PSTPIP2: variants seen among roughly 807,000 people sequenced by gnomAD.
PSTPIP2 encodes proline-serine-threonine phosphatase interacting protein 2.
Under a neutral mutation model 63.3 loss-of-function variants are expected in PSTPIP2, and 33 were observed. The ratio of observed to expected loss-of-function variants is 0.52; its 90% confidence interval spans 0.40 to 0.70. The LOEUF is 0.70. Ranked by LOEUF, PSTPIP2 falls within the 30% of genes least tolerant of loss-of-function variation. The pLI, the probability that PSTPIP2 is intolerant of heterozygous loss-of-function variation, is 0.00. For missense variants in PSTPIP2, 312 were observed against 400.7 expected (o/e 0.78, Z 1.89); for synonymous variants, 125 against 132.7 (o/e 0.94, Z 0.40).
intron 2 of PSTPIP2, among the ~76,000 whole-genome samples, chr18:46,036,647 C>T (rs1408094815): frequency 1.3e-5 from 2 of 152,166 alleles, no homozygotes; most frequent in Non-Finnish European, 2.9e-5. Context: ...TTCTGTCCAA[C>T]CCCACATGAG....
intron 2 of PSTPIP2, among the ~76,000 whole-genome samples, chr18:46,033,701 A>G (rs950953028): frequency 2.7e-5 from 4 of 148,306 alleles, no homozygotes; most frequent in African/African-American, 1.0e-4. Flanking sequence ...CCATCTCGAA[A>G]AAAAAAAAAA....
At chr18:46,042,770 G>C (rs1228036254) in intron 1 of PSTPIP2, among the ~76,000 whole-genome samples, 1 of 152,108 alleles carries the variant, frequency 6.6e-6, no homozygotes, top group Non-Finnish European at 1.5e-5. Flanking sequence ...AGGATGTCTT[G>C]GTGCATCGTG....
intron 9 of PSTPIP2, among the ~76,000 whole-genome samples, chr18:45,994,166 T>C (rs529803977): frequency 1.3e-5 from 2 of 152,274 alleles, no homozygotes; most frequent in African/African-American, 4.8e-5. Context: ...GTATGTTTAA[T>C]TGTTTTTCCT....
At chr18:46,029,319 A>T in intron 2 of PSTPIP2, 5 of 1,548,216 alleles carry the variant, frequency 3.2e-6, no homozygotes, top group Non-Finnish European at 4.5e-6. Context: ...ATCGATGAAG[A>T]CCAAAGAACT....
intron 1 of PSTPIP2, among the ~76,000 whole-genome samples, chr18:46,051,218 G>A (rs746720065): frequency 7.2e-5 from 11 of 152,294 alleles, no homozygotes; most frequent in Non-Finnish European, 1.3e-4. Context: ...GCTCACACCT[G>A]TAATCCTAGC....
intron 1 of PSTPIP2, among the ~76,000 whole-genome samples, chr18:46,056,188 C>G (rs117910842): frequency 6.6e-6 from 1 of 152,296 alleles, no homozygotes; most frequent in Non-Finnish European, 1.5e-5. Context: ...CAATGTAGAT[C>G]CCTTAGCTGG....
rs869172530 is a variant in PSTPIP2, at chr18:46,024,733, CTT to C, written c.135-49_135-48del. 7.4e-6 allele frequency: 11 copies of C among 1,494,936 alleles called. No individual in the cohort carries two copies. In the East Asian group the frequency reaches 2.0e-4, roughly 28 times the overall value. 92.6% of individuals were successfully genotyped at this position (1,494,936 alleles called of 1,614,324 possible). A position where few individuals can be genotyped will look rare whatever the true frequency, so the allele number is the denominator to read the frequency against. On this transcript the variant is annotated intron_variant, in intron 2 of 14. Transcript: ENST00000409746. The stretch of plus-strand genomic sequence containing the variant: ...TTATGGGTCCTTCTCAGAGCTGACT[CTT>C]TGTTAAGACACAATGACCCTCCCTT...
chr18:46,036,102 T>A (rs1907966744), intron 2 of PSTPIP2, among the ~76,000 whole-genome samples: 1 of 146,316 alleles, frequency 6.8e-6, no homozygotes, highest in African/African-American at 2.5e-5. Flanking sequence ...TTATCTGTAT[T>A]AATTAATTTA....
At chr18:46,052,215 A>C (rs990420534) in intron 1 of PSTPIP2, among the ~76,000 whole-genome samples, 10 of 152,254 alleles carry the variant, frequency 6.6e-5, no homozygotes, top group Non-Finnish European at 1.5e-4. Context: ...GAACTAGGTC[A>C]AACCCAGGGG....
intron 3 of PSTPIP2, 99 bp from the exon 4 acceptor site, chr18:46,016,036 T>C: frequency 7.1e-7 from 1 of 1,407,896 alleles, no homozygotes; most frequent in South Asian, 1.2e-5. Context: ...ATATCTTAAC[T>C]TAGAAACTAC....
At chr18:46,070,459 C>T (rs1316852185) in intron 1 of PSTPIP2, among the ~76,000 whole-genome samples, 1 of 152,236 alleles carries the variant, frequency 6.6e-6, no homozygotes, top group Admixed American at 6.5e-5. Context: ...TTAGCCTTGC[C>T]AGTGCTAAAA....
intron 1 of PSTPIP2, chr18:46,041,178 A>G: frequency 7.3e-6 from 3 of 410,480 alleles, no homozygotes; most frequent in Non-Finnish European, 4.8e-6. Context: ...GTCCACTGGG[A>G]AGCATGAAAC....
At chr18:46,012,500 C>A (rs188344879) in intron 4 of PSTPIP2, among the ~76,000 whole-genome samples, 1 of 152,150 alleles carries the variant, frequency 6.6e-6, no homozygotes, top group Non-Finnish European at 1.5e-5. Flanking sequence ...GTTGGCCAGG[C>A]GCAGTGGCTC....
chr18:46,012,416 G>C (rs1039645628), intron 4 of PSTPIP2, among the ~76,000 whole-genome samples: 3 of 152,202 alleles, frequency 2.0e-5, no homozygotes, highest in African/African-American at 7.2e-5. Flanking sequence ...AAACTATAGA[G>C]AGAGATGTAT....
intron 1 of PSTPIP2, among the ~76,000 whole-genome samples, chr18:46,052,704 A>C (rs1908624609): frequency 6.6e-6 from 1 of 152,194 alleles, no homozygotes; most frequent in South Asian, 2.1e-4. Context: ...TCTGTTCTTC[A>C]CACTTGGATT....
intron 14 of PSTPIP2, among the ~76,000 whole-genome samples, chr18:45,988,192 G>A (rs1220208207): frequency 6.6e-6 from 1 of 152,138 alleles, no homozygotes; most frequent in African/African-American, 2.4e-5. Context: ...AGCACTTTGG[G>A]AGGCTGAGGT....
chr18:46,015,875 T>A (rs1321983568), intron 4 of PSTPIP2, 28 bp downstream of exon 4: 1 of 1,584,814 alleles, frequency 6.3e-7, no homozygotes, highest in Admixed American at 1.7e-5. Context: ...GGGCAGTGAA[T>A]ACATTTTTTA....
At chr18:46,023,600 A>G (rs184132667) in intron 3 of PSTPIP2, among the ~76,000 whole-genome samples, 5 of 152,226 alleles carry the variant, frequency 3.3e-5, no homozygotes, top group Admixed American at 1.3e-4. Context: ...AATCTCCTAT[A>G]GTTATCACAA....
chr18:45,990,319 G>A (rs909248863), intron 13 of PSTPIP2, among the ~76,000 whole-genome samples: 1 of 151,998 alleles, frequency 6.6e-6, no homozygotes, highest in Non-Finnish European at 1.5e-5. Context: ...CATTCTCTTG[G>A]GAATTTGATT....
Sources: allele counts gnomAD v4.1 joint callset (sites outside exome capture counted in the v4.1 genomes callset), GRCh38; gene constraint gnomAD v4.1.1; transcripts MANE v1.5; gene names NCBI Gene and HGNC (gene_info 2026-07-23, HGNC 2026-07-21).